LRRC8A: variants seen among roughly 807,000 people sequenced by gnomAD.
LRRC8A encodes the protein leucine rich repeat containing 8 VRAC subunit A.
A neutral mutation model predicts 52.5 loss-of-function variants in LRRC8A; 24 were observed. That is an observed-to-expected ratio of 0.46 (90% CI 0.33 to 0.64). The LOEUF is 0.64. LRRC8A is among the 30% of genes least tolerant of loss of function. LRRC8A has a pLI of 0.02. For synonymous variants in LRRC8A, 492 were observed against 494.2 expected, an observed-to-expected ratio of 1.00 and a Z score of 0.06; for missense variants, 677 against 1,094.7, an observed-to-expected ratio of 0.62 and a Z score of 5.38.
chr9:128,894,143 A>G (rs1290739594), intron 2 of LRRC8A, among the ~76,000 whole-genome samples: 1 of 151,912 alleles, frequency 6.6e-6, no homozygotes, highest in Non-Finnish European at 1.5e-5. Context: ...GGCCTCCCAA[A>G]GTGCTAGGAT....
chr9:128,905,698 C>T (rs1840217998), intron 2 of LRRC8A, among the ~76,000 whole-genome samples: 1 of 152,002 alleles, frequency 6.6e-6, no homozygotes, highest in African/African-American at 2.4e-5. Flanking sequence ...ACAAAAATTA[C>T]CTGGGCATGG....
At position 128,917,985 on chromosome 9, in the gene LRRC8A, G is replaced by A. The variant is rs1479485041; in HGVS notation, c.*1614G>A. 6.5e-6 allele frequency: 1 copy of A among 152,674 alleles called. No individual in the cohort carries two copies. Among genetic ancestry groups the A allele is most frequent in the Non-Finnish European group, 1.5e-5 (1 of 68,046 alleles). 9.5% of individuals were successfully genotyped at this position (152,674 alleles called of 1,614,324 possible). ...ACCATGAAGCAAAAATCCGTTACAT[G>A]TGGGTCTGAACTTGTAGACTCGGTC... On this transcript the variant is annotated 3_prime_UTR_variant, in exon 4 of 4. Transcript: ENST00000372600.
At chr9:128,893,406 A>T (rs1447899986) in intron 2 of LRRC8A, among the ~76,000 whole-genome samples, 2 of 152,120 alleles carry the variant, frequency 1.3e-5, no homozygotes, top group Non-Finnish European at 2.9e-5. Flanking sequence ...TTTAATTCTC[A>T]CGATAACCCA....
In LRRC8A at chr9:128,916,037, C is replaced by T; in HGVS notation, c.2158-59C>T. The T allele has an allele frequency of 1.3e-6, 2 of 1,535,174 alleles. No individual in the cohort carries two copies. Among genetic ancestry groups the T allele is most frequent in the South Asian group, 1.2e-5 (1 of 80,652 alleles). ...CTTGGGGAGAGAGGGAAGGGAAGCC[C>T]AGAGGCCCCGTCCAAGCCCACACCC... On this transcript the variant is annotated intron_variant, in intron 3 of 3. Transcript: ENST00000372600. The surrounding 1 kb of genome is among the most constrained non-coding windows in gnomAD (Gnocchi z 6.1).
intron 2 of LRRC8A, among the ~76,000 whole-genome samples, chr9:128,896,448 T>A (rs1839827974): frequency 6.6e-6 from 1 of 151,986 alleles, no homozygotes; most frequent in Non-Finnish European, 1.5e-5. Flanking sequence ...AGGAGAGGAG[T>A]TGCTGGGTTG....
chr9:128,896,987 G>A (rs950226016), intron 2 of LRRC8A, among the ~76,000 whole-genome samples: 2 of 152,050 alleles, frequency 1.3e-5, no homozygotes, highest in African/African-American at 2.4e-5. Context: ...GCCTCCCTAA[G>A]TTCTGGGATT....
chr9:128,886,963 C>T (rs773025528), intron 2 of LRRC8A, among the ~76,000 whole-genome samples: 15 of 152,160 alleles, frequency 9.9e-5, no homozygotes, highest in Non-Finnish European at 1.9e-4. Context: ...CAAGGACATG[C>T]GGCTTGAATC....
At position 128,908,527 on chromosome 9, in the gene LRRC8A, C is replaced by T; in HGVS notation, c.1363C>T (p.Leu455=). 1 of 1,612,888 alleles carries T rather than the reference C, an allele frequency of 6.2e-7. No homozygotes were observed. Among genetic ancestry groups the T allele is most frequent in the Admixed American group, 1.7e-5 (1 of 59,992 alleles). ...GGAGCTGGAGGTCCTCAAGCTGGAG[C>T]TGATCCCCGACGTGACCATCCCGCC... The part of the protein sequence containing the change: ...LVELEVLKLE[L]IPDVTIPPSI... Residue 455 remains leucine, a synonymous_variant, in exon 3 of 4, where the codon CTG becomes TTG. Transcript: ENST00000372600.
At chr9:128,894,169 C>A (rs1263357610) in intron 2 of LRRC8A, among the ~76,000 whole-genome samples, 1 of 151,922 alleles carries the variant, frequency 6.6e-6, no homozygotes, top group African/African-American at 2.4e-5. Context: ...GCGTGAGCCA[C>A]CGTGCCCAGC....
chr9:128,912,295 A>T (rs1436288449), intron 3 of LRRC8A, among the ~76,000 whole-genome samples: 1 of 152,188 alleles, frequency 6.6e-6, no homozygotes, highest in African/African-American at 2.4e-5. Context: ...GGGGATGAAG[A>T]AGGCCAAGTA....
At chr9:128,889,578 T>G (rs1839522730) in intron 2 of LRRC8A, among the ~76,000 whole-genome samples, 1 of 151,500 alleles carries the variant, frequency 6.6e-6, no homozygotes, top group Non-Finnish European at 1.5e-5. Flanking sequence ...CACTGCAACC[T>G]CCACCTCCCA....
chr9:128,913,573 G>A (rs1840660685), intron 3 of LRRC8A, among the ~76,000 whole-genome samples: 1 of 152,188 alleles, frequency 6.6e-6, no homozygotes, highest in Admixed American at 6.5e-5. Flanking sequence ...GGCCTGGAGA[G>A]GGCTCCCTGG....
In LRRC8A at chr9:128,908,773, A is replaced by G. The variant is rs1840367545; in HGVS notation, c.1609A>G (p.Ile537Val). Residue 537 changes from isoleucine (I) to valine (V), a missense_variant, in exon 3 of 4, where the codon ATC (isoleucine) becomes GTC (valine). Transcript: ENST00000372600. The part of the protein sequence containing the change: ...LSAENNRYIV[I>V]DGLRELKRLK... ...CGCGGAGAACAACCGCTACATCGTC[A>G]TCGACGGGCTGCGGGAGCTCAAACG... The G allele has an allele frequency of 6.2e-7, 1 of 1,613,254 alleles. No individual in the cohort carries two copies. Among genetic ancestry groups the G allele is most frequent in the African/African-American group, 1.3e-5 (1 of 74,948 alleles).
At chr9:128,893,199 C>T (rs1176042166) in intron 2 of LRRC8A, among the ~76,000 whole-genome samples, 2 of 152,032 alleles carry the variant, frequency 1.3e-5, no homozygotes, top group Admixed American at 6.6e-5. Context: ...TGCGAGTTTT[C>T]GAGGTTCTGC....
At chr9:128,887,375 G>A (rs1016210240) in intron 2 of LRRC8A, among the ~76,000 whole-genome samples, 2 of 152,036 alleles carry the variant, frequency 1.3e-5, no homozygotes, top group Admixed American at 1.3e-4. Flanking sequence ...CATTGCCCAG[G>A]CTGGTCTCGA....
intron 3 of LRRC8A, among the ~76,000 whole-genome samples, chr9:128,913,217 T>C (rs1588230904): frequency 6.6e-6 from 1 of 151,790 alleles, no homozygotes; most frequent in South Asian, 2.1e-4. Flanking sequence ...GAGTTAAGGG[T>C]GGACAGGGTC....
intron 3 of LRRC8A, among the ~76,000 whole-genome samples, chr9:128,912,492 G>A: frequency 9.5e-6 from 1 of 105,276 alleles, no homozygotes; most frequent in East Asian, 3.7e-4. Context: ...CTGGAGAGCA[G>A]AGGTGGGGCT....
At chr9:128,890,859 A>G (rs111865874) in intron 2 of LRRC8A, among the ~76,000 whole-genome samples, 24 of 152,236 alleles carry the variant, frequency 1.6e-4, no homozygotes, top group African/African-American at 5.8e-4. Context: ...AATATGAGCC[A>G]ACAAACGTTG....
At chr9:128,883,230 A>G (rs921134881) in intron 1 of LRRC8A, among the ~76,000 whole-genome samples, 2 of 152,130 alleles carry the variant, frequency 1.3e-5, no homozygotes, top group Non-Finnish European at 2.9e-5. Context: ...GTGTGGAGGG[A>G]GAGCACCTGG....
Sources: gnomAD v4.1 joint callset for allele counts (sites outside exome capture counted in the v4.1 genomes callset) on GRCh38, gnomAD v4.1.1 for gene constraint, Gnocchi (gnomAD v3.1) non-coding constraint, MANE v1.5 for transcripts, NCBI Gene and HGNC (gene_info 2026-07-23, HGNC 2026-07-21) for gene names.